DICER1: variants seen among roughly 807,000 people sequenced by gnomAD.
DICER1 encodes the protein dicer 1, ribonuclease III, also known as endoribonuclease Dicer.
Under a neutral mutation model 194.1 loss-of-function variants are expected in DICER1, and 43 were observed. The observed-to-expected ratio is 0.22, with a 90% CI of 0.17 to 0.29. The LOEUF (loss-of-function observed/expected upper bound fraction) is 0.29, where lower values mean the gene tolerates loss of function less well. Ranked by LOEUF, DICER1 falls within the 10% of genes least tolerant of loss-of-function variation. The pLI is 1.00. For missense variants in DICER1, 1,608 were observed against 2,317.0 expected (o/e 0.69, Z 6.28); for synonymous variants, 832 against 820.5 (o/e 1.01, Z -0.24).
rs898500055 is a variant in DICER1, at chr14:95,114,055, C to T, written c.1908-831G>A. On this transcript the variant is annotated intron_variant, in intron 11 of 26. Coordinates refer to ENST00000343455, the MANE Select transcript of DICER1 (RefSeq NM_177438.3). ...AAATAGAGATATCAACAGATAGACA[C>T]TGAAACAAATACAGATGTAAACATG... Among the ~76,000 whole-genome samples the T allele has an allele frequency of 2.0e-5, 3 of 152,208 alleles. No homozygotes were observed. The East Asian group carries it at 5.8e-4, about 29-fold the overall frequency.
intron 22 of DICER1, among the ~76,000 whole-genome samples, chr14:95,098,629 C>T (rs1199220449): frequency 2.0e-5 from 3 of 151,884 alleles, no homozygotes; most frequent in Non-Finnish European, 2.9e-5. Context: ...CATTATGAAA[C>T]GGTATTAACA....
intron 1 of DICER1, among the ~76,000 whole-genome samples, chr14:95,142,178 G>T (rs949494023): frequency 7.9e-5 from 12 of 150,978 alleles, no homozygotes; most frequent in African/African-American, 2.7e-4. Flanking sequence ...GGCTGGTCTC[G>T]AACTCCTGGG....
intron 17 of DICER1, among the ~76,000 whole-genome samples, chr14:95,106,859 T>C (rs1392191281): frequency 1.3e-5 from 2 of 152,210 alleles, no homozygotes; most frequent in Non-Finnish European, 2.9e-5. Context: ...GAAATCATTA[T>C]TTATAATCAA....
At chr14:95,127,238 A>AT (rs1467939499) in intron 6 of DICER1, among the ~76,000 whole-genome samples, 1 of 152,140 alleles carries the variant, frequency 6.6e-6, no homozygotes, top group Non-Finnish European at 1.5e-5. Flanking sequence ...TTTCTAAAAA[A>AT]CTCACTACAG....
At chr14:95,117,017 T>C (rs1892534610) in intron 9 of DICER1, among the ~76,000 whole-genome samples, 1 of 152,208 alleles carries the variant, frequency 6.6e-6, no homozygotes, top group South Asian at 2.1e-4. Flanking sequence ...AGCTACAATG[T>C]AGAAAAGGCC....
At chr14:95,147,539 C>A (rs550975251) in intron 1 of DICER1, among the ~76,000 whole-genome samples, 2 of 152,322 alleles carry the variant, frequency 1.3e-5, no homozygotes, top group Non-Finnish European at 2.9e-5. Flanking sequence ...AAAAAACACA[C>A]ACAAACTGTT....
chr14:95,114,881 CA>C (rs1892299674), intron 11 of DICER1, among the ~76,000 whole-genome samples: 1 of 152,122 alleles, frequency 6.6e-6, no homozygotes, highest in Non-Finnish European at 1.5e-5. Flanking sequence ...AGTAAGACTA[CA>C]AAATGACAGC....
intron 1 of DICER1, among the ~76,000 whole-genome samples, chr14:95,156,499 G>C (rs1236059116): frequency 1.3e-5 from 2 of 152,192 alleles, no homozygotes; most frequent in Non-Finnish European, 2.9e-5. Flanking sequence ...TGCTGGCTCT[G>C]ACCTCCAGGC....
rs184357448 is a variant in DICER1, at chr14:95,113,014, G to C, written c.2040+78C>G. The C allele has an allele frequency of 4.1e-4, 599 of 1,446,212 alleles. 3 individuals carry two copies. The African/African-American group carries it at 6.9e-3, about 17-fold the overall frequency. The allele number at this position is 1,446,212 out of a possible 1,614,324, so 89.6% of individuals were successfully genotyped here. ...TTAAAATCAAATTTACCTATAACTT[G>C]CAAGTCTTAGAAAAGCTGAAAAAAT... On this transcript the variant is annotated intron_variant, in intron 12 of 26. Transcript: ENST00000343455.
intron 2 of DICER1, 70 bp downstream of exon 2, chr14:95,133,245 T>TA (rs961252328): frequency 2.0e-6 from 3 of 1,537,066 alleles, no homozygotes; most frequent in Non-Finnish European, 2.7e-6. Flanking sequence ...TTATATAAGT[T>TA]GTGTCAACTA....
chr14:95,134,784 T>C (rs1013620414), intron 1 of DICER1, among the ~76,000 whole-genome samples: 23 of 152,238 alleles, frequency 1.5e-4, no homozygotes, highest in Non-Finnish European at 2.9e-4. Context: ...TCTGCGGGCC[T>C]GACAGCACAA....
rs748564911 is a variant in DICER1, at chr14:95,133,343, T to C, written c.116A>G (p.Asp39Gly). The change falls in exon 2 of 27, where the codon GAT (aspartate) becomes GGT (glycine). Residue 39 changes from aspartate (D) to glycine (G), a missense_variant. By Grantham distance (94) the Asp-to-Gly change is moderately conservative (BLOSUM62 -1). Around this residue, in one of 10 missense-constraint regions of DICER1, gnomAD observed 657 missense variants for 910.1 expected, o/e 0.72. Transcript: ENST00000343455. ...GLPWQQEAIH[D>G]NIYTPRKYQV... is the part of the protein sequence containing the mutation. Reference sequence around the variant, plus strand: ...ATATTTTCTTGGCGTATAAATGTTATCATGAATTGCTTCTTGTTGCCATGG... The same window carrying C: ...ATATTTTCTTGGCGTATAAATGTTACCATGAATTGCTTCTTGTTGCCATGG... 5.0e-6 allele frequency: 8 copies of C among 1,614,178 alleles called. No individual in the cohort carries two copies. The highest frequency in any genetic ancestry group is 1.7e-5 in the Admixed American group (1 of 60,016).
chr14:95,110,521 A>AC (rs1891863479), intron 14 of DICER1, among the ~76,000 whole-genome samples: 1 of 150,148 alleles, frequency 6.7e-6, no homozygotes, highest in African/African-American at 2.4e-5. Context: ...GCTGGGAACG[A>AC]TTTTTTTTTT....
chr14:95,110,059 C>G (rs1020772159), intron 14 of DICER1, among the ~76,000 whole-genome samples: 1 of 152,056 alleles, frequency 6.6e-6, no homozygotes, highest in Admixed American at 6.5e-5. Context: ...GGGAAACAAC[C>G]AATTGGTAGA....
intron 1 of DICER1, among the ~76,000 whole-genome samples, chr14:95,142,279 C>G (rs1894870200): frequency 6.6e-6 from 1 of 152,108 alleles, no homozygotes; most frequent in South Asian, 2.1e-4. Flanking sequence ...CTACAGTACT[C>G]AGTACAGTAA....
In DICER1 at chr14:95,086,762, A is replaced by G. The variant is rs80103767; in HGVS notation, c.*3736T>C. On this transcript the variant is annotated 3_prime_UTR_variant, in exon 27 of 27. Coordinates refer to ENST00000343455, the MANE Select transcript of DICER1 (RefSeq NM_177438.3). ...CATTTTAATAGTCTTGGTCTTAAAC[A>G]TATCTTTAAAACTTTTCATGTACAA... 4.3e-6 allele frequency: 1 copy of G among 232,630 alleles called. No individual in the cohort carries two copies. Among genetic ancestry groups the G allele is most frequent in the East Asian group, 6.1e-5 (1 of 16,408 alleles). 14.4% of individuals were successfully genotyped at this position (232,630 alleles called of 1,614,324 possible). A position where few individuals can be genotyped will look rare whatever the true frequency, so the allele number is the denominator to read the frequency against.
At chr14:95,150,697 G>A (rs764130938) in intron 1 of DICER1, among the ~76,000 whole-genome samples, 4 of 152,200 alleles carry the variant, frequency 2.6e-5, no homozygotes, top group Non-Finnish European at 5.9e-5. Flanking sequence ...CTTTTCTGCA[G>A]ATTACCTACT....
In DICER1 at chr14:95,103,924, T is replaced by A. The variant is rs949633145; in HGVS notation, c.3472A>T (p.Ser1158Cys). 2 of 1,614,098 alleles carry A rather than the reference T, an allele frequency of 1.2e-6. No individual in the cohort carries two copies. Among genetic ancestry groups the A allele is most frequent in the Admixed American group, 1.7e-5 (1 of 60,008 alleles). The change falls in exon 21 of 27, where the codon AGC becomes TGC. Residue 1158 changes from serine (S) to cysteine (C), a missense_variant. Physicochemically the swap from Ser to Cys is moderately radical, Grantham distance 112 (BLOSUM62 -1). Coordinates refer to ENST00000343455, the MANE Select transcript of DICER1 (RefSeq NM_177438.3). Reference sequence around the variant, plus strand: ...ACGTGGAGCTTACCAGGGGACTCGCTGAGCAACGTTCTGCAGTTCACAGAC... The same window carrying A: ...ACGTGGAGCTTACCAGGGGACTCGCAGAGCAACGTTCTGCAGTTCACAGAC... ...QMSVNCRTLL[S>C]ESPGKLHVEV...
intron 24 of DICER1, 35 bp from the exon 25 acceptor site, chr14:95,091,400 A>G (rs2139781503): frequency 6.2e-7 from 1 of 1,607,710 alleles, no homozygotes; most frequent in Non-Finnish European, 8.5e-7. Context: ...GTAAGCAAAA[A>G]GGCCACTTTT....
Sources: allele counts gnomAD v4.1 joint callset (sites outside exome capture counted in the v4.1 genomes callset), GRCh38; gene constraint gnomAD v4.1.1; regional missense constraint gnomAD v4.1.1; transcripts MANE v1.5; gene names NCBI Gene and HGNC (gene_info 2026-07-23, HGNC 2026-07-21).